Variants in EML6 observed in about 807,000 individuals in gnomAD.
EML6 encodes EMAP like 6.
A neutral mutation model predicts 240.1 loss-of-function variants in EML6; 154 were observed. The ratio of observed to expected loss-of-function variants is 0.64; its 90% CI spans 0.56 to 0.73. The LOEUF (loss-of-function observed/expected upper bound fraction) is 0.73. Among genes scored for constraint, EML6 ranks in the 30% least tolerant of loss-of-function variants. EML6 has a pLI of 0.00. For synonymous variants in EML6, 1,148 were observed against 899.0 expected (o/e 1.28, Z -4.95); for missense variants, 2,964 against 2,474.6 (o/e 1.20, Z -4.20).
intron 32 of EML6, among the ~76,000 whole-genome samples, chr2:54,954,924 C>T (rs979535385): frequency 2.0e-5 from 3 of 152,230 alleles, no homozygotes; most frequent in African/African-American, 4.8e-5. Context: ...GGTGTCACTT[C>T]TCCCATCCAG....
chr2:54,875,981 G>A (rs1302607552), intron 16 of EML6, among the ~76,000 whole-genome samples: 1 of 152,098 alleles, frequency 6.6e-6, no homozygotes, highest in African/African-American at 2.4e-5. Flanking sequence ...CATTTTTTAT[G>A]AGTCCTGAAT....
intron 28 of EML6, among the ~76,000 whole-genome samples, chr2:54,947,301 T>C (rs1257437309): frequency 6.6e-6 from 1 of 152,170 alleles, no homozygotes; most frequent in African/African-American, 2.4e-5. Context: ...AGAACTGGCA[T>C]GCCCCCAGTC....
At chr2:54,841,547 G>T (rs1669453414) in intron 7 of EML6, among the ~76,000 whole-genome samples, 2 of 146,032 alleles carry the variant, frequency 1.4e-5, no homozygotes, top group Admixed American at 1.4e-4. Flanking sequence ...TACCCCTTCT[G>T]TTGTCCCAGC....
chr2:54,954,363 T>C (rs1676131222), intron 32 of EML6, among the ~76,000 whole-genome samples: 1 of 152,156 alleles, frequency 6.6e-6, no homozygotes, highest in African/African-American at 2.4e-5. Context: ...AGGAGGAGGC[T>C]GGCCAGGGAC....
At position 54,827,766 on chromosome 2, in the gene EML6, G is replaced by T; in HGVS notation, c.711+15G>T. 1.3e-6 allele frequency: 2 copies of T among 1,532,380 alleles called. No homozygotes were observed. The highest frequency in any genetic ancestry group is 1.8e-6 in the Non-Finnish European group (2 of 1,130,280). The allele number at this position is 1,532,380 out of a possible 1,614,324, so 94.9% of individuals were successfully genotyped here. A position where few individuals can be genotyped will look rare whatever the true frequency, so the allele number is the denominator to read the frequency against. ...GAGCACATAGTGTAAGTATTACCTT[G>T]TGGAAATCTGTGGGTGACCTACCAA... On this transcript the variant is annotated intron_variant, in intron 6 of 41. Coordinates refer to ENST00000356458, the MANE Select transcript of EML6 (RefSeq NM_001039753.4).
intron 31 of EML6, 110 bp from the exon 32 acceptor site, chr2:54,953,873 C>G (rs1237508541): frequency 6.6e-6 from 6 of 902,554 alleles, no homozygotes; most frequent in Non-Finnish European, 6.5e-6. Flanking sequence ...GGCAACAGAG[C>G]AAGACTCTGT....
At chr2:54,903,523 TA>T in intron 24 of EML6, 21 bp downstream of exon 24, 1 of 1,527,758 alleles carries the variant, frequency 6.5e-7, no homozygotes, top group Non-Finnish European at 8.8e-7. Flanking sequence ...TTGTGGCTTT[TA>T]AAATAGAATT....
intron 28 of EML6, among the ~76,000 whole-genome samples, chr2:54,929,632 CAAT>C (rs539783445): frequency 4.3e-4 from 66 of 152,158 alleles, no homozygotes; most frequent in African/African-American, 1.6e-3. Flanking sequence ...TGCCTAACAA[CAAT>C]AAGTCTGACC....
chr2:54,948,477 G>A (rs1009340671), intron 28 of EML6, among the ~76,000 whole-genome samples: 22 of 152,188 alleles, frequency 1.4e-4, no homozygotes, highest in African/African-American at 5.1e-4. Flanking sequence ...AACAACATGA[G>A]CACATCCCTG....
At chr2:54,904,021 G>A (rs1024391660) in intron 24 of EML6, among the ~76,000 whole-genome samples, 1 of 152,142 alleles carries the variant, frequency 6.6e-6, no homozygotes, top group African/African-American at 2.4e-5. Context: ...GCCCACAAAT[G>A]CCATGAGGAT....
At chr2:54,840,125 G>A (rs1436381129) in intron 7 of EML6, among the ~76,000 whole-genome samples, 3 of 152,234 alleles carry the variant, frequency 2.0e-5, no homozygotes, top group Middle Eastern at 3.4e-3. Context: ...CTGTAATAAA[G>A]CATAAATAGA....
At chr2:54,929,472 TTAA>T (rs1409286260) in intron 28 of EML6, among the ~76,000 whole-genome samples, 1 of 152,242 alleles carries the variant, frequency 6.6e-6, no homozygotes, top group Admixed American at 6.5e-5. Flanking sequence ...ATAAAAACTC[TTAA>T]TAACTAAAGA....
intron 2 of EML6, among the ~76,000 whole-genome samples, chr2:54,789,469 A>C (rs11125546): frequency 1.1e-4 from 15 of 140,300 alleles, no homozygotes; most frequent in African/African-American, 2.9e-4. Context: ...AGCCGAGATT[A>C]CGCCACTGCA....
chr2:54,879,312 C>G (rs1249116305), intron 16 of EML6, among the ~76,000 whole-genome samples: 1 of 152,112 alleles, frequency 6.6e-6, no homozygotes, highest in Non-Finnish European at 1.5e-5. Context: ...TCAGCGAGGT[C>G]CATTTAGTAT....
chr2:54,821,377 A>G (rs1291109817), intron 5 of EML6, among the ~76,000 whole-genome samples: 1 of 152,188 alleles, frequency 6.6e-6, no homozygotes, highest in African/African-American at 2.4e-5. Context: ...AAAACTCTGC[A>G]GAAGAATGTA....
intron 7 of EML6, among the ~76,000 whole-genome samples, chr2:54,838,286 C>T (rs943083110): frequency 3.3e-5 from 5 of 152,122 alleles, no homozygotes; most frequent in African/African-American, 7.2e-5. Context: ...ACAAAACCCG[C>T]GGGTTAAAAT....
At chr2:54,806,607 G>A (rs1276063732) in intron 2 of EML6, among the ~76,000 whole-genome samples, 2 of 55,526 alleles carry the variant, frequency 3.6e-5, no homozygotes, top group African/African-American at 6.2e-5. Flanking sequence ...GAGTGACTCC[G>A]TCTCCAAAAA....
chr2:54,843,640 C>G (rs940605745), intron 7 of EML6, among the ~76,000 whole-genome samples: 1 of 151,830 alleles, frequency 6.6e-6, no homozygotes, highest in Admixed American at 6.6e-5. Context: ...GTCAGGAGAT[C>G]GAGACCATCC....
chr2:54,827,562 G>A lies in EML6; in HGVS notation c.526-4G>A. The A allele has an allele frequency of 6.4e-7, 1 of 1,550,512 alleles. No individual in the cohort carries two copies. Among genetic ancestry groups the A allele is most frequent in the Non-Finnish European group, 8.7e-7 (1 of 1,146,174 alleles). On this transcript the variant is annotated splice_region_variant and splice_polypyrimidine_tract_variant and intron_variant, in intron 5 of 41. Transcript: ENST00000356458. ...GGAGATCTATTTTATCACTTACATT[G>A]TAGTTTTGGACACTGTGTGGAAATG...
Sources: allele counts gnomAD v4.1 joint callset (sites outside exome capture counted in the v4.1 genomes callset), GRCh38; gene constraint gnomAD v4.1.1; transcripts MANE v1.5; gene names NCBI Gene and HGNC (gene_info 2026-07-23, HGNC 2026-07-21).